Variants in STS observed in about 807,000 individuals in gnomAD.
STS encodes steryl-sulfatase.
In STS, 7 loss-of-function variants were observed where a neutral mutation model predicts 26.8. The observed-to-expected ratio is 0.26, with a 90% CI of 0.15 to 0.49. The LOEUF is 0.49. Among genes scored for constraint, STS ranks in the 20% least tolerant of loss-of-function variants. The pLI, the probability that STS is intolerant of heterozygous loss-of-function variation, is 0.98. For synonymous variants in STS, 199 were observed against 189.4 expected (o/e 1.05, Z -0.42); for missense variants, 434 against 465.6 (o/e 0.93, Z 0.63).
At chrX:7,260,887 T>A (rs1473038586) in intron 6 of STS, among the ~76,000 whole-genome samples, 1 of 111,868 alleles carries the variant, frequency 8.9e-6, no homozygotes, top group Admixed American at 9.5e-5. Flanking sequence ...GTGAAGTGAA[T>A]GATGTCTCTT....
chrX:7,268,985 C>CA (rs757057208), intron 6 of STS, among the ~76,000 whole-genome samples: 2 of 108,373 alleles, frequency 1.8e-5, no homozygotes, highest in East Asian at 5.9e-4. Flanking sequence ...CCTGTCTCTA[C>CA]AAAAAATCAG....
chrX:7,347,915 G>A (rs1361829794), intron 10 of STS, among the ~76,000 whole-genome samples: 1 of 111,612 alleles, frequency 9.0e-6, no homozygotes, highest in Non-Finnish European at 1.9e-5. Flanking sequence ...TGGATGGGAA[G>A]CATCTTAAGG....
chrX:7,176,542 C>A (rs1318974787), intron 1 of STS, among the ~76,000 whole-genome samples: 1 of 111,363 alleles, frequency 9.0e-6, no homozygotes, highest in Non-Finnish European at 1.9e-5. Context: ...GAAGAAATAC[C>A]CAAGACTGGG....
intron 9 of STS, among the ~76,000 whole-genome samples, chrX:7,326,886 C>G (rs1200597176): frequency 9.0e-6 from 1 of 111,619 alleles, no homozygotes; most frequent in Non-Finnish European, 1.9e-5. Flanking sequence ...CTGGTTTCAA[C>G]TCTGCTTTAG....
chrX:7,153,460 C>T (rs1378585694), intron 1 of STS, among the ~76,000 whole-genome samples: 2 of 100,848 alleles, frequency 2.0e-5, no homozygotes, highest in Non-Finnish European at 4.0e-5. Flanking sequence ...TCCCTCCCTT[C>T]CTTTCCTCCT....
intron 2 of STS, among the ~76,000 whole-genome samples, chrX:7,215,008 ACG>A (rs1491127936): frequency 6.2e-4 from 26 of 42,165 alleles, no homozygotes; most frequent in Middle Eastern, 8.8e-3. Flanking sequence ...ATACATATAT[ACG>A]TATATATATA....
intron 2 of STS, among the ~76,000 whole-genome samples, chrX:7,204,561 C>T (rs948057572): frequency 2.3e-5 from 2 of 88,019 alleles, no homozygotes; most frequent in African/African-American, 8.3e-5. Context: ...TCCTTCCCTT[C>T]CTTTTCTTCC....
chrX:7,147,962 C>G lies in STS; in HGVS notation c.-255C>G. 1.4e-6 allele frequency: 1 copy of G among 693,705 alleles called. No individual in the cohort carries two copies. The highest frequency in any genetic ancestry group is 2.2e-6 in the Non-Finnish European group (1 of 464,847). 57.2% of individuals were successfully genotyped at this position (693,705 alleles called of 1,213,427 possible). ...TCCCTGCATGAACACCGCCCCGCCG[C>G]GGCCCCCAGGCCGTGACGTACCCCG... On this transcript the variant is annotated 5_prime_UTR_variant, in exon 1 of 11. Coordinates refer to ENST00000674429, the MANE Select transcript of STS (RefSeq NM_001320752.2).
intron 2 of STS, among the ~76,000 whole-genome samples, chrX:7,245,913 C>T (rs1262801159): frequency 8.9e-6 from 1 of 111,980 alleles, no homozygotes; most frequent in Middle Eastern, 4.6e-3. Flanking sequence ...TTGTTACAAT[C>T]GTGGTGTTGA....
intron 2 of STS, among the ~76,000 whole-genome samples, chrX:7,243,181 G>A (rs1922702040): frequency 8.9e-6 from 1 of 111,768 alleles, no homozygotes; most frequent in Non-Finnish European, 1.9e-5. Context: ...TTCTGCCTCA[G>A]CCTCCTGATT....
chrX:7,299,819 G>A lies in STS; in HGVS notation c.944-5227G>A, dbSNP rs1451439914. ...TATCACCTCTGACTTAGTGGCAGAG[G>A]ATCCCAGTGAGAAGCCAGAGACTTG... On this transcript the variant is annotated intron_variant, in intron 7 of 10. Transcript: ENST00000674429. Among the ~76,000 whole-genome samples, 10 of 111,154 alleles carry A rather than the reference G, an allele frequency of 9.0e-5. No individual in the cohort carries two copies. In the Admixed American group the frequency reaches 9.7e-4, roughly 11 times the overall value.
chrX:7,328,607 G>T (rs374086125), intron 9 of STS, among the ~76,000 whole-genome samples: 43 of 100,548 alleles, frequency 4.3e-4, no homozygotes, highest in African/African-American at 1.6e-3. Flanking sequence ...AGGCTAGAGT[G>T]CAGTGGTGCA....
chrX:7,204,040 C>A (rs1295543217), intron 2 of STS, among the ~76,000 whole-genome samples: 1 of 111,938 alleles, frequency 8.9e-6, no homozygotes, highest in East Asian at 2.8e-4. Context: ...CCACACTTGG[C>A]CTCCCAAAGT....
rs770658761 is a variant in STS at position 7,222,528 on chromosome X, CAAAAAAAAAAAAAA to C, written c.-4-30658_-4-30645del. On this transcript the variant is annotated intron_variant, in intron 2 of 10. Transcript: ENST00000674429. The stretch of plus-strand genomic sequence containing the variant: ...TTGTGAGAAAGGATGCCCTCAGCTG[CAAAAAAAAAAAAAA>C]AAAAAAAAAGATGTTTTCAGTCTTT... Among the ~76,000 whole-genome samples the C allele has an allele frequency of 1.5e-4, 6 of 39,425 alleles. No individual in the cohort carries two copies. In the South Asian group the frequency reaches 0.012, roughly 82 times the overall value. The allele number at this position is 39,425 out of a possible 115,157, so 34.2% of individuals were successfully genotyped here.
chrX:7,331,233 A>C (rs1409644972), intron 9 of STS, among the ~76,000 whole-genome samples: 1 of 111,506 alleles, frequency 9.0e-6, no homozygotes, highest in Non-Finnish European at 1.9e-5. Flanking sequence ...TTTCCAGAAC[A>C]TGCCCTTTTT....
intron 2 of STS, among the ~76,000 whole-genome samples, chrX:7,238,212 A>AGATAGATT (rs1274945589): frequency 2.1e-5 from 2 of 93,854 alleles, no homozygotes; most frequent in African/African-American, 7.0e-5. Context: ...ATAGATAGAT[A>AGATAGATT]GATAGATAGA....
chrX:7,152,152 C>T (rs1933028557), intron 1 of STS, among the ~76,000 whole-genome samples: 1 of 108,809 alleles, frequency 9.2e-6, no homozygotes, highest in African/African-American at 3.4e-5. Flanking sequence ...CGGGGTTTCA[C>T]CATGTTAGCC....
intron 2 of STS, among the ~76,000 whole-genome samples, chrX:7,197,249 T>G (rs1933987586): frequency 8.9e-6 from 1 of 111,816 alleles, no homozygotes; most frequent in Non-Finnish European, 1.9e-5. Context: ...TGTCCAATAT[T>G]GATTATTTGA....
chrX:7,294,260 G>A (rs1925561245), intron 7 of STS, among the ~76,000 whole-genome samples: 1 of 110,832 alleles, frequency 9.0e-6, no homozygotes, highest in African/African-American at 3.3e-5. Flanking sequence ...AATTAATAGT[G>A]TTTAATGTTG....
Sources: gnomAD v4.1 joint callset for allele counts (sites outside exome capture counted in the v4.1 genomes callset) on GRCh38, gnomAD v4.1.1 for gene constraint, MANE v1.5 for transcripts, NCBI Gene and HGNC (gene_info 2026-07-23, HGNC 2026-07-21) for gene names.